The following TMPRSS11A variants were observed in gnomAD, a reference collection of about 807,000 sequenced individuals.
TMPRSS11A encodes transmembrane serine protease 11A.
TMPRSS11A carries 53 observed loss-of-function variants against 58.9 expected under a neutral mutation model. The ratio of observed to expected loss-of-function variants is 0.90; its 90% CI spans 0.72 to 1.13. The LOEUF is 1.13. Ranked by LOEUF, TMPRSS11A falls within the 50% of genes most tolerant of loss-of-function variation. TMPRSS11A has a pLI of 0.00. For synonymous variants in TMPRSS11A, 167 were observed against 169.8 expected, an observed-to-expected ratio of 0.98 and a Z score of 0.13; for missense variants, 493 against 499.3, an observed-to-expected ratio of 0.99 and a Z score of 0.12.
Position 67,918,974 on chromosome 4 carries a change from A to G in TMPRSS11A, c.951T>C (p.Gly317=), listed in dbSNP as rs1720234752. 1 of 1,614,046 alleles carries G rather than the reference A, an allele frequency of 6.2e-7. No individual in the cohort carries two copies. The highest frequency in any genetic ancestry group is 1.6e-4 in the Middle Eastern group (1 of 6,062). ...TGTTAGCTATCCTGAGATACCCACC[A>G]CCATAGTAAAGTGCTCCAAATCCTG... The part of the protein sequence containing the change: ...HITGFGALYY[G]GESQNDLREA... The change falls in exon 8 of 10, where the codon GGT becomes GGC. Residue 317 remains glycine, a splice_region_variant and synonymous_variant. Transcript: ENST00000508048.
At chr4:67,958,210 G>T (rs893908015) in intron 1 of TMPRSS11A, among the ~76,000 whole-genome samples, 2 of 152,156 alleles carry the variant, frequency 1.3e-5, no homozygotes, top group African/African-American at 4.8e-5. Flanking sequence ...GCCTAATGGA[G>T]CTGTAAGAAG....
rs1016272611 is a variant in TMPRSS11A at position 67,956,809 on chromosome 4, C to A, written c.11+6574G>T. Among the ~76,000 whole-genome samples, 13 of 152,134 alleles carry A rather than the reference C, an allele frequency of 8.5e-5. 1 individual carries two copies. The highest frequency in any genetic ancestry group is 1.9e-4 in the Non-Finnish European group (13 of 68,014). ...TCTCTTTTATCTATCAACTATTATTCCTTATATGGCAGTGATACAGTTTGG... is the reference window on the plus strand; with the variant it reads ...TCTCTTTTATCTATCAACTATTATTACTTATATGGCAGTGATACAGTTTGG... On this transcript the variant is annotated intron_variant, in intron 1 of 9. Transcript: ENST00000508048.
intron 8 of TMPRSS11A, among the ~76,000 whole-genome samples, chr4:67,917,192 G>A (rs1463299897): frequency 4.0e-5 from 6 of 148,256 alleles, no homozygotes; most frequent in Non-Finnish European, 9.0e-5. Flanking sequence ...TATTTTTCTA[G>A]TTTCTTGAAG....
intron 1 of TMPRSS11A, among the ~76,000 whole-genome samples, chr4:67,948,146 T>A (rs1009421451): frequency 9.9e-6 from 1 of 100,934 alleles, no homozygotes; most frequent in Non-Finnish European, 1.9e-5. Context: ...ACAGTTTTTT[T>A]CTTTTTTTTT....
intron 1 of TMPRSS11A, among the ~76,000 whole-genome samples, chr4:67,960,114 G>A (rs905967174): frequency 5.9e-5 from 9 of 152,064 alleles, no homozygotes; most frequent in African/African-American, 2.2e-4. Context: ...TAAATATTGA[G>A]CACACATAGA....
intron 7 of TMPRSS11A, among the ~76,000 whole-genome samples, chr4:67,919,741 G>T (rs555057791): frequency 6.8e-4 from 104 of 152,238 alleles, no homozygotes; most frequent in African/African-American, 2.4e-3. Flanking sequence ...AACGCATTTG[G>T]GCTAAGACAT....
chr4:67,924,001 A>C, intron 6 of TMPRSS11A, 127 bp downstream of exon 6: 1 of 830,264 alleles, frequency 1.2e-6, no homozygotes, highest in Non-Finnish European at 2.1e-6. Flanking sequence ...ATTTAAATCT[A>C]TCGTACAAAT....
intron 7 of TMPRSS11A, among the ~76,000 whole-genome samples, chr4:67,920,954 A>G (rs187554720): frequency 1.3e-5 from 2 of 152,276 alleles, no homozygotes; most frequent in Admixed American, 1.3e-4. Context: ...TAGCAAACTA[A>G]AGCTCACAGT....
chr4:67,953,325 G>A (rs1721207930), intron 1 of TMPRSS11A, among the ~76,000 whole-genome samples: 1 of 152,084 alleles, frequency 6.6e-6, no homozygotes, highest in Admixed American at 6.5e-5. Flanking sequence ...TTTCAAATGA[G>A]ATTAAAGATG....
In TMPRSS11A at chr4:67,959,159, C is replaced by G. The variant is rs180765382; in HGVS notation, c.11+4224G>C. ...TCAAGAAGAGGATGTTACAAATCTG[C>G]CTTTAAATCTGAATGATAAGCACAT... On this transcript the variant is annotated intron_variant, in intron 1 of 9. Coordinates refer to ENST00000508048, the MANE Select transcript of TMPRSS11A (RefSeq NM_001114387.2). Among the ~76,000 whole-genome samples, 139 of 152,198 alleles carry G rather than the reference C, an allele frequency of 9.1e-4. 1 individual carries two copies. Among genetic ancestry groups the G allele is most frequent in the Middle Eastern group, 6.8e-3 (2 of 294 alleles).
At chr4:67,926,752 G>A (rs1304391105) in intron 5 of TMPRSS11A, among the ~76,000 whole-genome samples, 1 of 152,222 alleles carries the variant, frequency 6.6e-6, no homozygotes, top group Non-Finnish European at 1.5e-5. Flanking sequence ...CAATGGGGCT[G>A]GGCTGAGTTG....
rs373395792 is a variant in TMPRSS11A, at chr4:67,924,603, TG to T, written c.482-438del. On this transcript the variant is annotated intron_variant, in intron 5 of 9. Coordinates refer to ENST00000508048, the MANE Select transcript of TMPRSS11A (RefSeq NM_001114387.2). The stretch of plus-strand genomic sequence containing the variant: ...AATTTATAAAGAAAAAGAGGTTTAA[TG>T]GACTCAGAGTTCCATGTGGCTGGGG... Among the ~76,000 whole-genome samples the T allele has an allele frequency of 2.0e-3, 306 of 152,338 alleles. 4 individuals carry two copies. The highest frequency in any genetic ancestry group is 7.0e-3 in the African/African-American group (292 of 41,580).
At chr4:67,923,001 T>C (rs2119382) in intron 6 of TMPRSS11A, 75 bp from the exon 7 acceptor site, 943,032 of 1,477,352 alleles carry the variant, frequency 0.64, 303,778 homozygotes, top group East Asian at 0.81. Context: ...CTTACTTGCC[T>C]GAAGACATTT....
chr4:67,959,040 T>G (rs890805493), intron 1 of TMPRSS11A, among the ~76,000 whole-genome samples: 10 of 152,208 alleles, frequency 6.6e-5, no homozygotes, highest in African/African-American at 2.4e-4. Flanking sequence ...TTAAACCTCT[T>G]TCTTTTGTAA....
At chr4:67,930,562 C>A (rs1484480939) in intron 4 of TMPRSS11A, among the ~76,000 whole-genome samples, 1 of 151,994 alleles carries the variant, frequency 6.6e-6, no homozygotes, top group Non-Finnish European at 1.5e-5. Flanking sequence ...CCAGTTGGAA[C>A]ATACATAAAA....
At position 67,929,893 on chromosome 4, in the gene TMPRSS11A, T is replaced by G; in HGVS notation, c.468A>C (p.Ser156=). ...NLRALPINAS[S]VQVNAMSSST... ...GGACCTCCTTACCATTAACTTGAAC[T>G]GATGAGGCATTTATTGGCAAGGCTC... Residue 156 remains serine (S), a synonymous_variant, in exon 5 of 10, where the codon TCA becomes TCC. Transcript: ENST00000508048. The G allele has an allele frequency of 6.2e-7, 1 of 1,612,282 alleles. No homozygotes were observed. The highest frequency in any genetic ancestry group is 8.5e-7 in the Non-Finnish European group (1 of 1,178,858).
intron 9 of TMPRSS11A, among the ~76,000 whole-genome samples, chr4:67,913,291 A>G (rs1230033469): frequency 6.6e-6 from 1 of 152,138 alleles, no homozygotes; most frequent in Non-Finnish European, 1.5e-5. Flanking sequence ...GGCTCTGGAG[A>G]GAAAGACTTA....
At chr4:67,940,773 C>A (rs549035463) in intron 3 of TMPRSS11A, among the ~76,000 whole-genome samples, 8 of 152,322 alleles carry the variant, frequency 5.3e-5, no homozygotes, top group African/African-American at 1.9e-4. Context: ...ATGCTAATGC[C>A]ACCATTTTTT....
chr4:67,914,687 T>C lies in TMPRSS11A; in HGVS notation c.996A>G (p.Ile332Met). 1.2e-6 allele frequency: 2 copies of C among 1,613,070 alleles called. No individual in the cohort carries two copies. Residue 332 changes from isoleucine (I) to methionine (M), a missense_variant, in exon 9 of 10, where the codon ATA (isoleucine) becomes ATG (methionine). Coordinates refer to ENST00000508048, the MANE Select transcript of TMPRSS11A (RefSeq NM_001114387.2). ...NDLREARVKI[I>M]SDDVCKQPQV... is the part of the protein sequence containing the mutation. ...GTGGTTGCTTGCAGACATCATCACT[T>C]ATGATTTTCACTCTGGCTTCTCGGA...
Sources: gnomAD v4.1 joint callset for allele counts (sites outside exome capture counted in the v4.1 genomes callset) on GRCh38, gnomAD v4.1.1 for gene constraint, MANE v1.5 for transcripts, NCBI Gene and HGNC (gene_info 2026-07-23, HGNC 2026-07-21) for gene names.